The following NAF1 variants were observed in gnomAD, a reference collection of about 807,000 sequenced individuals.
The protein encoded by NAF1 is H/ACA ribonucleoprotein complex non-core subunit NAF1.
A neutral mutation model predicts 40.6 loss-of-function variants in NAF1; 11 were observed. The ratio of observed to expected loss-of-function variants is 0.27; its 90% CI spans 0.17 to 0.45. The LOEUF (loss-of-function observed/expected upper bound fraction) is 0.45. Ranked by LOEUF, NAF1 falls within the 20% of genes least tolerant of loss-of-function variation. The pLI, the probability that NAF1 is intolerant of heterozygous loss-of-function variation, is 1.00. For synonymous variants in NAF1, 260 were observed against 228.5 expected (o/e 1.14, Z -1.24); for missense variants, 607 against 611.1 (o/e 0.99, Z 0.07).
chr4:163,120,212 CAAT>C (rs1247779805), intron 2 of NAF1, among the ~76,000 whole-genome samples: 2 of 152,068 alleles, frequency 1.3e-5, no homozygotes, highest in African/African-American at 4.8e-5. Flanking sequence ...TGAAAAGCTG[CAAT>C]AATAAAAGGT....
intron 4 of NAF1, among the ~76,000 whole-genome samples, chr4:163,143,719 T>G (rs548714157): frequency 6.6e-6 from 1 of 152,216 alleles, no homozygotes; most frequent in East Asian, 1.9e-4. Context: ...AAGGTCTGCA[T>G]GCTGCCACCT....
intron 3 of NAF1, 104 bp from the exon 4 acceptor site, chr4:163,145,968 G>C (rs1731449740): frequency 3.1e-6 from 2 of 636,690 alleles, no homozygotes; most frequent in South Asian, 4.6e-5. Context: ...AAAAATTGAA[G>C]GTGGGATTAT....
At chr4:163,147,678 T>C (rs1317354084) in intron 3 of NAF1, among the ~76,000 whole-genome samples, 1 of 152,196 alleles carries the variant, frequency 6.6e-6, no homozygotes, top group African/African-American at 2.4e-5. Context: ...GTAAATACAT[T>C]ACATTTTTAA....
rs1460949498 is a variant in NAF1 at position 163,129,028 on chromosome 4, C to T, written c.1354G>A (p.Ala452Thr). The part of the protein sequence containing the change: ...PPPPPVNMGW[A>T]TPNMAAHPLL... ...GGATGAGCAGCCATGTTTGGTGTAG[C>T]CCAACCCATGTTTACAGGTGGGGGT... The change falls in exon 8 of 8, where the codon GCT becomes ACT. Residue 452 changes from alanine to threonine, a missense_variant. Ala to Thr is a moderately conservative substitution (Grantham distance 58). Around this residue, in one of 3 missense-constraint regions of NAF1, gnomAD observed 189 missense variants for 216.6 expected, o/e 0.87. Transcript: ENST00000274054. 1.3e-6 allele frequency: 2 copies of T among 1,542,118 alleles called. No individual in the cohort carries two copies. The highest frequency in any genetic ancestry group is 4.0e-5 in the Admixed American group (2 of 50,564).
At chr4:163,164,067 T>C (rs1357352048) in intron 2 of NAF1, 150 bp downstream of exon 2, 1 of 989,628 alleles carries the variant, frequency 1.0e-6, no homozygotes, top group East Asian at 3.8e-5. Context: ...CTCTTTTACA[T>C]AAGAAAGCCA....
intron 2 of NAF1, among the ~76,000 whole-genome samples, chr4:163,112,829 G>A (rs1328011732): frequency 6.6e-6 from 1 of 152,176 alleles, no homozygotes; most frequent in Admixed American, 6.5e-5. Flanking sequence ...GGAACAGAAG[G>A]CTTGAAGGTT....
intron 6 of NAF1, among the ~76,000 whole-genome samples, chr4:163,134,021 C>G (rs1226074339): frequency 1.3e-5 from 2 of 152,088 alleles, no homozygotes; most frequent in Non-Finnish European, 2.9e-5. Flanking sequence ...AATGATCCAA[C>G]TCCTAAGAGG....
intron 2 of NAF1, among the ~76,000 whole-genome samples, chr4:163,155,300 C>A (rs1490692100): frequency 6.6e-6 from 1 of 152,144 alleles, no homozygotes; most frequent in Non-Finnish European, 1.5e-5. Flanking sequence ...ATAACTAAGA[C>A]CTTTTTAGTC....
chr4:163,161,224 G>A, intron 2 of NAF1, among the ~76,000 whole-genome samples: 1 of 152,138 alleles, frequency 6.6e-6, no homozygotes, highest in East Asian at 1.9e-4. Flanking sequence ...TGTAATCCCA[G>A]CACTTTGGGA....
At chr4:163,142,463 C>A (rs774381570) in intron 4 of NAF1, among the ~76,000 whole-genome samples, 8 of 152,154 alleles carry the variant, frequency 5.3e-5, no homozygotes, top group Non-Finnish European at 1.2e-4. Context: ...AAATTCCTTG[C>A]CAACTTCAGG....
intron 2 of NAF1, among the ~76,000 whole-genome samples, chr4:163,152,126 C>T (rs1194753036): frequency 1.3e-5 from 2 of 152,092 alleles, no homozygotes; most frequent in African/African-American, 4.8e-5. Context: ...ATTGTGATGA[C>T]AGTGGACATT....
chr4:163,116,581 T>C (rs1048960532), intron 2 of NAF1, among the ~76,000 whole-genome samples: 27 of 152,198 alleles, frequency 1.8e-4, no homozygotes, highest in Non-Finnish European at 2.9e-4. Context: ...GAAAATCTTG[T>C]GGTTTACTAG....
At chr4:163,140,139 CTG>C in intron 5 of NAF1, 82 bp downstream of exon 5, 2 of 1,123,680 alleles carry the variant, frequency 1.8e-6, no homozygotes, top group Non-Finnish European at 2.5e-6. Flanking sequence ...CACAATATAA[CTG>C]TAAGAAATTA....
intron 3 of NAF1, 72 bp downstream of exon 3, chr4:163,148,269 T>C: frequency 2.2e-6 from 2 of 896,816 alleles, no homozygotes; most frequent in Non-Finnish European, 3.3e-6. Flanking sequence ...AATTTACTAG[T>C]CATAAAAGTC....
intron 2 of NAF1, among the ~76,000 whole-genome samples, chr4:163,161,214 T>G (rs914517441): frequency 2.6e-5 from 4 of 152,154 alleles, no homozygotes; most frequent in African/African-American, 9.7e-5. Flanking sequence ...GGCTCACGCC[T>G]GTAATCCCAG....
At chr4:163,149,974 G>T (rs1376993865) in intron 2 of NAF1, among the ~76,000 whole-genome samples, 1 of 152,014 alleles carries the variant, frequency 6.6e-6, no homozygotes, top group African/African-American at 2.4e-5. Context: ...CTTGTTAAGT[G>T]GCAAATGTCA....
chr4:163,165,094 A>T lies in NAF1; in HGVS notation c.366-703T>A, dbSNP rs999444037. 3.3e-5 allele frequency among the ~76,000 whole-genome samples: 5 copies of T among 152,302 alleles called. 1 individual carries two copies. In the South Asian group the frequency reaches 6.2e-4, roughly 19 times the overall value. ...CATCATCCATGTGAATTAACGCCTA[A>T]ATCTTCAGCTATGACATCTCTAAAC... On this transcript the variant is annotated intron_variant, in intron 1 of 7. Coordinates refer to ENST00000274054, the MANE Select transcript of NAF1 (RefSeq NM_138386.3).
chr4:163,147,940 T>G (rs972026485), intron 3 of NAF1, among the ~76,000 whole-genome samples: 7 of 152,080 alleles, frequency 4.6e-5, no homozygotes, highest in African/African-American at 1.4e-4. Flanking sequence ...GGAAGTAAGA[T>G]TCTCCCCTAG....
intron 2 of NAF1, among the ~76,000 whole-genome samples, chr4:163,115,211 A>T (rs10023105): frequency 0.63 from 60,748 of 95,752 alleles, 16,765 homozygotes; most frequent in East Asian, 0.75. Context: ...TTTTTTATTT[A>T]TTTTTTTTTT....
Sources: gnomAD v4.1 joint callset for allele counts (sites outside exome capture counted in the v4.1 genomes callset) on GRCh38, gnomAD v4.1.1 for gene constraint, gnomAD v4.1.1 regional missense constraint, MANE v1.5 for transcripts, NCBI Gene and HGNC (gene_info 2026-07-23, HGNC 2026-07-21) for gene names.